SLC26A7: variants seen among roughly 807,000 people sequenced by gnomAD.
SLC26A7 encodes anion exchange transporter.
SLC26A7 carries 59 observed loss-of-function variants against 82.5 expected under a neutral mutation model. The ratio of observed to expected loss-of-function variants is 0.72; its 90% CI spans 0.58 to 0.89. The LOEUF (loss-of-function observed/expected upper bound fraction) is 0.89. Among genes scored for constraint, SLC26A7 ranks in the 40% least tolerant of loss-of-function variants. SLC26A7 has a pLI of 0.00. For synonymous variants in SLC26A7, 271 were observed against 274.3 expected (o/e 0.99, Z 0.12); for missense variants, 820 against 793.0 (o/e 1.03, Z -0.41).
At chr8:91,394,783 T>C in intron 18 of SLC26A7, 1 of 992,224 alleles carries the variant, frequency 1.0e-6, no homozygotes, top group Non-Finnish European at 1.3e-6. Flanking sequence ...GAATTTGCCA[T>C]GACCTTATGA....
chr8:91,394,112 A>G (rs1378047752), intron 18 of SLC26A7, 73 bp downstream of exon 18: 3 of 1,588,028 alleles, frequency 1.9e-6, no homozygotes, highest in Admixed American at 1.7e-5. Flanking sequence ...TGCATCTTTT[A>G]TATTAGCTTA....
chr8:91,277,376 T>G (rs1413806000), intron 2 of SLC26A7, among the ~76,000 whole-genome samples: 1 of 152,194 alleles, frequency 6.6e-6, no homozygotes, highest in African/African-American at 2.4e-5. Flanking sequence ...TGCATCCCCA[T>G]TTGCATATGC....
intron 2 of SLC26A7, among the ~76,000 whole-genome samples, chr8:91,253,473 G>C (rs1177491898): frequency 6.6e-6 from 1 of 151,810 alleles, no homozygotes; most frequent in African/African-American, 2.4e-5. Context: ...TCCTTATTCT[G>C]TCTCCACCTG....
rs960915597 is a variant in SLC26A7 at position 91,343,156 on chromosome 8, A to G, written c.1027-197A>G. ...GTTGTTCTGAGGATTAAATGAGTAA[A>G]GTGCTTGAGAACAATTTCTTGCTCA... On this transcript the variant is annotated intron_variant, in intron 8 of 18. Coordinates refer to ENST00000276609, the MANE Select transcript of SLC26A7 (RefSeq NM_052832.4). 16 of 529,278 alleles carry G rather than the reference A, an allele frequency of 3.0e-5. 1 individual carries two copies. The South Asian group carries it at 3.7e-4, about 12-fold the overall frequency. The allele number at this position is 529,278 out of a possible 1,614,324, so 32.8% of individuals were successfully genotyped here.
At chr8:91,346,658 T>C (rs1182923011) in intron 9 of SLC26A7, among the ~76,000 whole-genome samples, 1 of 152,206 alleles carries the variant, frequency 6.6e-6, no homozygotes, top group African/African-American at 2.4e-5. Context: ...GAAAGTTATC[T>C]TTACAAAATG....
At chr8:91,318,633 A>C (rs1812708156) in intron 5 of SLC26A7, among the ~76,000 whole-genome samples, 2 of 152,326 alleles carry the variant, frequency 1.3e-5, no homozygotes, top group Middle Eastern at 3.4e-3. Flanking sequence ...AGAAAAAAAA[A>C]ACCTGAATTT....
At chr8:91,354,576 G>A (rs1813809051) in intron 11 of SLC26A7, among the ~76,000 whole-genome samples, 1 of 152,142 alleles carries the variant, frequency 6.6e-6, no homozygotes, top group Non-Finnish European at 1.5e-5. Flanking sequence ...GTATGTATTA[G>A]AAAGGTCACT....
intron 18 of SLC26A7, chr8:91,394,712 A>G (rs1035406698): frequency 9.0e-7 from 1 of 1,108,202 alleles, no homozygotes. Flanking sequence ...AATCTAACAT[A>G]TATTGAGTGC....
intron 9 of SLC26A7, among the ~76,000 whole-genome samples, chr8:91,349,277 C>T (rs1448412842): frequency 6.6e-6 from 1 of 152,140 alleles, no homozygotes; most frequent in Non-Finnish European, 1.5e-5. Context: ...ACATGACTTA[C>T]CATTTAAGGT....
intron 15 of SLC26A7, among the ~76,000 whole-genome samples, chr8:91,381,531 C>A (rs1258839876): frequency 6.6e-6 from 1 of 152,092 alleles, no homozygotes; most frequent in African/African-American, 2.4e-5. Context: ...GTGCCTTGCT[C>A]TCTTTCTGAA....
At chr8:91,361,191 T>C (rs543195983) in intron 11 of SLC26A7, among the ~76,000 whole-genome samples, 7 of 152,146 alleles carry the variant, frequency 4.6e-5, no homozygotes, top group Admixed American at 6.6e-5. Context: ...CAAAACAGTC[T>C]GTTAAGAATC....
intron 3 of SLC26A7, among the ~76,000 whole-genome samples, chr8:91,292,762 T>C (rs1441349294): frequency 6.6e-6 from 1 of 152,066 alleles, no homozygotes; most frequent in Non-Finnish European, 1.5e-5. Context: ...AATAAATCAG[T>C]TGATTACTTT....
At chr8:91,353,357 A>G (rs569518008) in intron 11 of SLC26A7, among the ~76,000 whole-genome samples, 1 of 152,280 alleles carries the variant, frequency 6.6e-6, no homozygotes, top group South Asian at 2.1e-4. Context: ...ACCTTTATGA[A>G]AAACTATCAT....
At chr8:91,385,985 T>G (rs1814788732) in intron 15 of SLC26A7, among the ~76,000 whole-genome samples, 1 of 152,172 alleles carries the variant, frequency 6.6e-6, no homozygotes, top group Admixed American at 6.5e-5. Context: ...AAGTTCAGAA[T>G]GACAAATAAG....
Position 91,294,566 on chromosome 8 carries a change from T to C in SLC26A7, c.305-965T>C, listed in dbSNP as rs145342154. Among the ~76,000 whole-genome samples, 856 of 152,260 alleles carry C rather than the reference T, an allele frequency of 5.6e-3. 8 individuals are homozygous for C. Among genetic ancestry groups the C allele is most frequent in the Non-Finnish European group, 5.5e-3 (377 of 68,022 alleles). The stretch of plus-strand genomic sequence containing the variant: ...GGCCCTTTTCATGAAATCTCACTTA[T>C]GACCAGAAGCAAAGTAAGATCTTCA... On this transcript the variant is annotated intron_variant, in intron 3 of 18. Coordinates refer to ENST00000276609, the MANE Select transcript of SLC26A7 (RefSeq NM_052832.4).
intron 2 of SLC26A7, among the ~76,000 whole-genome samples, chr8:91,252,728 T>A (rs1810693627): frequency 6.6e-6 from 1 of 152,196 alleles, no homozygotes; most frequent in Non-Finnish European, 1.5e-5. Context: ...TAAAATGTGA[T>A]GTATACACTG....
At position 91,324,147 on chromosome 8, in the gene SLC26A7, A is replaced by G. The variant is rs1812871947; in HGVS notation, c.642+5767A>G. ...CAGCTTATATTTTTCTTGTTTTTGT[A>G]TTTATGTTCACTACTGTAGAGGGAG... On this transcript the variant is annotated intron_variant, in intron 5 of 18. Coordinates refer to ENST00000276609, the MANE Select transcript of SLC26A7 (RefSeq NM_052832.4). Among the ~76,000 whole-genome samples, 4 of 151,908 alleles carry G rather than the reference A, an allele frequency of 2.6e-5. No individual in the cohort carries two copies. In the South Asian group the frequency reaches 8.3e-4, roughly 31 times the overall value.
At chr8:91,351,777 C>A (rs781415045) in intron 9 of SLC26A7, 33 bp from the exon 10 acceptor site, 1 of 1,498,282 alleles carries the variant, frequency 6.7e-7, no homozygotes, top group South Asian at 1.1e-5. Context: ...TCAAGGCTTT[C>A]TTTTTCCTTT....
At chr8:91,338,119 AT>A (rs752091417) in intron 6 of SLC26A7, 30 bp from the exon 7 acceptor site, 11 of 1,553,754 alleles carry the variant, frequency 7.1e-6, no homozygotes, top group Middle Eastern at 1.8e-4. Flanking sequence ...TAATGTATAT[AT>A]TTTTTCTTTT....
Sources: allele counts gnomAD v4.1 joint callset (sites outside exome capture counted in the v4.1 genomes callset), GRCh38; gene constraint gnomAD v4.1.1; transcripts MANE v1.5; gene names NCBI Gene and HGNC (gene_info 2026-07-23, HGNC 2026-07-21).